Variants in C10orf67 observed in about 807,000 individuals in gnomAD.
C10orf67 encodes uncharacterized protein C10orf67, mitochondrial.
In C10orf67, 60 loss-of-function variants were observed where a neutral mutation model predicts 35.6. The ratio of observed to expected loss-of-function variants is 1.68; its 90% CI spans 1.37 to 2.09. The LOEUF (loss-of-function observed/expected upper bound fraction) is 2.09. Among genes scored for constraint, C10orf67 ranks in the 30% most tolerant of loss-of-function variants. The pLI is 0.00. For missense variants in C10orf67, 474 were observed against 330.2 expected (o/e 1.44, Z -3.38); for synonymous variants, 167 against 115.8 (o/e 1.44, Z -2.84).
intron 13 of C10orf67, 73 bp downstream of exon 13, chr10:23,239,656 T>G: frequency 1.7e-6 from 1 of 592,076 alleles, no homozygotes; most frequent in Non-Finnish European, 3.3e-6. Context: ...TGATAAACCT[T>G]AAACGAGAAC....
chr10:23,268,873 A>T lies in C10orf67; in HGVS notation c.976-1619T>A, dbSNP rs375509976. On this transcript the variant is annotated intron_variant, in intron 8 of 15. Transcript: ENST00000636213. ...GAATATTGTAGGCAACTATAACACA[A>T]TGATATGTATTTGTGTATCTAAACA... Among the ~76,000 whole-genome samples the T allele has an allele frequency of 1.9e-4, 29 of 152,332 alleles. No homozygotes were observed. In the South Asian group the frequency reaches 4.8e-3, roughly 25 times the overall value.
At position 23,234,958 on chromosome 10, in the gene C10orf67, G is replaced by A. The variant is rs1364354227; in HGVS notation, c.1434+4771C>T. 3.7e-5 allele frequency among the ~76,000 whole-genome samples: 5 copies of A among 136,450 alleles called. No individual in the cohort carries two copies. In the East Asian group the frequency reaches 1.1e-3, roughly 30 times the overall value. The allele number at this position is 136,450 out of a possible 152,430, so 89.5% of individuals were successfully genotyped here. A position where few individuals can be genotyped will look rare whatever the true frequency, so the allele number is the denominator to read the frequency against. ...ACCCGGGAGGCGGAGGTTGCGGTGA[G>A]CCGAGATCGCACCATTGCACTCCAG... On this transcript the variant is annotated intron_variant, in intron 13 of 15. Transcript: ENST00000636213.
chr10:23,301,970 CTGG>C (rs1229974590), intron 5 of C10orf67, among the ~76,000 whole-genome samples: 23 of 152,196 alleles, frequency 1.5e-4, no homozygotes, highest in African/African-American at 5.3e-4. Context: ...AGACATCCTG[CTGG>C]ATCCAGAGGG....
chr10:23,259,491 A>G (rs1366001636), intron 10 of C10orf67, among the ~76,000 whole-genome samples: 1 of 152,226 alleles, frequency 6.6e-6, no homozygotes. Context: ...TAAAATGTCA[A>G]AACAAAACCA....
chr10:23,344,377 G>T (rs1392613916), intron 1 of C10orf67, 192 bp downstream of exon 1: 4 of 615,776 alleles, frequency 6.5e-6, no homozygotes, highest in Non-Finnish European at 1.1e-5. Context: ...GGCGGGGCGG[G>T]CTCCCAAGCC....
chr10:23,327,046 G>A (rs1588699480), intron 2 of C10orf67, among the ~76,000 whole-genome samples: 3 of 152,062 alleles, frequency 2.0e-5, no homozygotes. Flanking sequence ...TGTACTGTAC[G>A]GTAGAAATTA....
intron 4 of C10orf67, among the ~76,000 whole-genome samples, chr10:23,307,134 T>C (rs1397469126): frequency 1.3e-4 from 20 of 152,184 alleles, no homozygotes; most frequent in Admixed American, 1.3e-3. Context: ...TGAAGAACTA[T>C]ATTACAAAAC....
chr10:23,248,487 C>A (rs553293904), intron 12 of C10orf67, among the ~76,000 whole-genome samples: 3 of 152,176 alleles, frequency 2.0e-5, no homozygotes, highest in Non-Finnish European at 4.4e-5. Flanking sequence ...CTGAATTGGA[C>A]TGGGACCCAA....
chr10:23,222,607 G>A (rs970560707), intron 15 of C10orf67, among the ~76,000 whole-genome samples: 26 of 151,692 alleles, frequency 1.7e-4, no homozygotes, highest in African/African-American at 5.3e-4. Context: ...AGCATCATGC[G>A]ATACATCTAC....
chr10:23,234,476 T>A (rs1482765215), intron 13 of C10orf67, among the ~76,000 whole-genome samples: 1 of 152,064 alleles, frequency 6.6e-6, no homozygotes, highest in East Asian at 1.9e-4. Context: ...AGCTACATGA[T>A]GAGAACACAT....
intron 7 of C10orf67, among the ~76,000 whole-genome samples, chr10:23,284,130 AG>A (rs909649630): frequency 6.7e-6 from 1 of 149,056 alleles, no homozygotes; most frequent in African/African-American, 2.5e-5. Flanking sequence ...AAAAAAAAAA[AG>A]GGTGGGGGGA....
intron 1 of C10orf67, among the ~76,000 whole-genome samples, chr10:23,340,742 T>C (rs1170133619): frequency 6.6e-6 from 1 of 152,206 alleles, no homozygotes; most frequent in Non-Finnish European, 1.5e-5. Flanking sequence ...ACAAATTAGC[T>C]AAGTGGTTCC....
At chr10:23,213,286 A>G (rs775835679) in intron 15 of C10orf67, among the ~76,000 whole-genome samples, 2 of 152,228 alleles carry the variant, frequency 1.3e-5, no homozygotes, top group Non-Finnish European at 2.9e-5. Flanking sequence ...AGCATAGAAA[A>G]TGTACAGGCA....
At chr10:23,208,948 C>G (rs937457630) in intron 15 of C10orf67, among the ~76,000 whole-genome samples, 1 of 151,954 alleles carries the variant, frequency 6.6e-6, no homozygotes, top group Non-Finnish European at 1.5e-5. Flanking sequence ...CCCCTGTCAC[C>G]CCAGCAGACA....
rs146019954 is a variant in C10orf67, at chr10:23,291,932, A to T, written c.703-653T>A. Among the ~76,000 whole-genome samples the T allele has an allele frequency of 7.3e-3, 1,113 of 152,266 alleles. 5 individuals are homozygous for T. The highest frequency in any genetic ancestry group is 0.031 in the Middle Eastern group (9 of 294). On this transcript the variant is annotated intron_variant, in intron 5 of 15. Coordinates refer to ENST00000636213, the MANE Select transcript of C10orf67 (RefSeq NM_001371909.1). ...CATGCTTGTCACACGGGGTCTGTGCAGGCGTTTAATGCTATTGAAGACTTT... is the reference window on the plus strand; with the variant it reads ...CATGCTTGTCACACGGGGTCTGTGCTGGCGTTTAATGCTATTGAAGACTTT...
At position 23,296,745 on chromosome 10, in the gene C10orf67, TGAA is replaced by T. The variant is rs570143843; in HGVS notation, c.703-5469_703-5467del. ...CACAGACTGCATCTGGGGCACCATT[TGAA>T]GAATGATTTGTAGTTTTACAGCTTT... On this transcript the variant is annotated intron_variant, in intron 5 of 15. Transcript: ENST00000636213. Among the ~76,000 whole-genome samples, 805 of 152,312 alleles carry T rather than the reference TGAA, an allele frequency of 5.3e-3. 8 individuals carry two copies. Among genetic ancestry groups the T allele is most frequent in the African/African-American group, 0.018 (768 of 41,570 alleles).
At chr10:23,336,097 G>C (rs1161052132) in intron 1 of C10orf67, among the ~76,000 whole-genome samples, 1 of 152,190 alleles carries the variant, frequency 6.6e-6, no homozygotes, top group Non-Finnish European at 1.5e-5. Context: ...GGGGAACAGG[G>C]GCAGCAGCAC....
At chr10:23,325,381 C>A (rs1845145905) in intron 2 of C10orf67, among the ~76,000 whole-genome samples, 1 of 150,832 alleles carries the variant, frequency 6.6e-6, no homozygotes, top group Admixed American at 6.6e-5. Flanking sequence ...TACCTCTGAA[C>A]AAACCTCTGG....
intron 12 of C10orf67, among the ~76,000 whole-genome samples, chr10:23,245,111 G>C (rs773265504): frequency 5.9e-5 from 9 of 152,098 alleles, no homozygotes; most frequent in Non-Finnish European, 1.3e-4. Context: ...ATGGGGGAAA[G>C]GATAGTCTCT....
Sources: allele counts gnomAD v4.1 joint callset (sites outside exome capture counted in the v4.1 genomes callset), GRCh38; gene constraint gnomAD v4.1.1; transcripts MANE v1.5; gene names NCBI Gene and HGNC (gene_info 2026-07-23, HGNC 2026-07-21).